The following GMPR variants were observed in gnomAD, a reference collection of about 807,000 sequenced individuals.
The protein encoded by GMPR is guanosine monophosphate reductase.
In GMPR, 31 loss-of-function variants were observed where a neutral mutation model predicts 38.4. The ratio of observed to expected loss-of-function variants is 0.81; its 90% confidence interval spans 0.61 to 1.09. The LOEUF (loss-of-function observed/expected upper bound fraction) is 1.09, where lower values mean the gene tolerates loss of function less well. Ranked by LOEUF, GMPR falls within the 50% of genes least tolerant of loss-of-function variation. GMPR has a pLI of 0.00. For missense variants in GMPR, 468 were observed against 453.7 expected (o/e 1.03, Z -0.29); for synonymous variants, 162 against 173.3 (o/e 0.93, Z 0.51).
rs759094734 is a variant in GMPR, at chr6:16,285,824, C to G, written c.686C>G (p.Ala229Gly). Residue 229 changes from alanine (A) to glycine (G), a missense_variant, in exon 7 of 9, where the codon GCC becomes GGC. Coordinates refer to ENST00000259727, the MANE Select transcript of GMPR (RefSeq NM_006877.4). Reference protein sequence around the residue: ...DGGCTCPGDVAKAFGAGADFV... With the variant: ...DGGCTCPGDVGKAFGAGADFV... ...GGCTGTACGTGTCCAGGGGATGTCG[C>G]CAAAGCCTTTGGTAAGGCCGGGCCC... 1 of 1,612,462 alleles carries G rather than the reference C, an allele frequency of 6.2e-7. No homozygotes were observed. The highest frequency in any genetic ancestry group is 8.5e-7 in the Non-Finnish European group (1 of 1,179,232).
chr6:16,269,289 T>C (rs1252736918), intron 4 of GMPR, among the ~76,000 whole-genome samples: 2 of 152,120 alleles, frequency 1.3e-5, no homozygotes, highest in African/African-American at 4.8e-5. Flanking sequence ...GTTGAAGTGA[T>C]TTGCTCAAAA....
intron 4 of GMPR, among the ~76,000 whole-genome samples, chr6:16,272,757 AT>A (rs1316476796): frequency 2.0e-5 from 3 of 152,128 alleles, no homozygotes; most frequent in African/African-American, 7.2e-5. Context: ...AAAATTGTAG[AT>A]ATTTTTCTCT....
intron 4 of GMPR, among the ~76,000 whole-genome samples, chr6:16,274,069 C>T (rs1413609215): frequency 6.6e-6 from 1 of 152,146 alleles, no homozygotes; most frequent in Non-Finnish European, 1.5e-5. Context: ...CTGCTTCGGG[C>T]TCCCAAAGTA....
At chr6:16,284,396 T>C (rs1016456947) in intron 6 of GMPR, among the ~76,000 whole-genome samples, 2 of 152,226 alleles carry the variant, frequency 1.3e-5, no homozygotes, top group African/African-American at 2.4e-5. Flanking sequence ...GTGTGCACTT[T>C]CCTGCAGGTT....
rs546450494 is a variant in GMPR, at chr6:16,289,848, A to ATTTTTTTTTTTTTTTTTTTTTTTTT, written c.698-601_698-577dup. Reference sequence around the variant, plus strand: ...AACTTGCTTTCTAAGATACTGCCCAATTTTTTTTTTTTTTTTTTTTTTTTT... The same window carrying ATTTTTTTTTTTTTTTTTTTTTTTTT: ...AACTTGCTTTCTAAGATACTGCCCAATTTTTTTTTTTTTTTTTTTTTTTTTTTTTTTTTTTTTTTTTTTTTTTTTT... On this transcript the variant is annotated intron_variant, in intron 7 of 8. Coordinates refer to ENST00000259727, the MANE Select transcript of GMPR (RefSeq NM_006877.4). 7 of 63,188 alleles carry ATTTTTTTTTTTTTTTTTTTTTTTTT rather than the reference A, an allele frequency of 1.1e-4. 1 individual carries two copies. The highest frequency in any genetic ancestry group is 4.2e-4 in the African/African-American group (6 of 14,178). 3.9% of individuals were successfully genotyped at this position (63,188 alleles called of 1,614,324 possible). A position where few individuals can be genotyped will look rare whatever the true frequency, so the allele number is the denominator to read the frequency against.
chr6:16,269,050 C>T (rs1264893088), intron 4 of GMPR, among the ~76,000 whole-genome samples: 3 of 150,954 alleles, frequency 2.0e-5, no homozygotes, highest in Admixed American at 6.6e-5. Flanking sequence ...AAAATTTACA[C>T]CTAGTAAATT....
At chr6:16,264,420 CAGG>C (rs1759149212) in intron 4 of GMPR, 3 of 212,230 alleles carry the variant, frequency 1.4e-5, no homozygotes, top group South Asian at 1.4e-4. Flanking sequence ...TCGCAAAGAG[CAGG>C]AGGACAGGGG....
intron 6 of GMPR, among the ~76,000 whole-genome samples, chr6:16,281,130 G>C (rs1759563924): frequency 6.6e-6 from 1 of 152,152 alleles, no homozygotes; most frequent in East Asian, 1.9e-4. Flanking sequence ...GCCCAGACCA[G>C]CAGCAGCAGT....
intron 7 of GMPR, among the ~76,000 whole-genome samples, chr6:16,286,500 G>A (rs767903371): frequency 3.9e-5 from 6 of 152,060 alleles, no homozygotes; most frequent in Non-Finnish European, 8.8e-5. Flanking sequence ...GGGTGCCGGC[G>A]GGAGGCAGAA....
In GMPR at chr6:16,281,134, C is replaced by A. The variant is rs181919635; in HGVS notation, c.654+2244C>A. Among the ~76,000 whole-genome samples, 461 of 152,312 alleles carry A rather than the reference C, an allele frequency of 3.0e-3. 2 individuals carry two copies. The highest frequency in any genetic ancestry group is 0.011 in the African/African-American group (446 of 41,558). On this transcript the variant is annotated intron_variant, in intron 6 of 8. Transcript: ENST00000259727. ...TTAAGCGTGGTGCCCAGACCAGCAG[C>A]AGCAGTATCAACTGAGAACTTGTTA... is the stretch of plus-strand genomic sequence containing the variant.
chr6:16,261,836 G>T lies in GMPR; in HGVS notation c.465+7101G>T, dbSNP rs1031795994. ...GAGTAGAGGTATCTTATATTTGTGGGTTAAGGTTGGGGGATACAAGAGGAG... is the reference window on the plus strand; with the variant it reads ...GAGTAGAGGTATCTTATATTTGTGGTTTAAGGTTGGGGGATACAAGAGGAG... On this transcript the variant is annotated intron_variant, in intron 4 of 8. Transcript: ENST00000259727. Among the ~76,000 whole-genome samples, 14 of 151,852 alleles carry T rather than the reference G, an allele frequency of 9.2e-5. 1 individual carries two copies. Among genetic ancestry groups the T allele is most frequent in the East Asian group, 5.8e-4 (3 of 5,188 alleles).
At position 16,290,449 on chromosome 6, in the gene GMPR, C is replaced by A. The variant is rs774900036; in HGVS notation, c.698-13C>A. The A allele has an allele frequency of 3.1e-6, 5 of 1,612,636 alleles. No individual in the cohort carries two copies. In the South Asian group the frequency reaches 5.5e-5, roughly 18 times the overall value. ...CTCTGCTACTCGCTTTCATCCCCACCGTTGGCATTTAGGAGCTGGAGCAGA... is the reference window on the plus strand; with the variant it reads ...CTCTGCTACTCGCTTTCATCCCCACAGTTGGCATTTAGGAGCTGGAGCAGA... On this transcript the variant is annotated splice_polypyrimidine_tract_variant and intron_variant, in intron 7 of 8. Coordinates refer to ENST00000259727, the MANE Select transcript of GMPR (RefSeq NM_006877.4).
At chr6:16,294,204 C>G (rs78207654) in intron 8 of GMPR, among the ~76,000 whole-genome samples, 3 of 152,306 alleles carry the variant, frequency 2.0e-5, no homozygotes, top group Non-Finnish European at 2.9e-5. Flanking sequence ...GCCTGGAAGC[C>G]TCTGGTGCTA....
At chr6:16,265,505 G>C (rs979531348) in intron 4 of GMPR, among the ~76,000 whole-genome samples, 2 of 152,202 alleles carry the variant, frequency 1.3e-5, no homozygotes, top group Admixed American at 1.3e-4. Flanking sequence ...GTGGGGACTT[G>C]GAGAACTTTT....
At chr6:16,264,755 A>C (rs9350002) in intron 4 of GMPR, among the ~76,000 whole-genome samples, 16,484 of 151,958 alleles carry the variant, frequency 0.11, 1,563 homozygotes, top group African/African-American at 0.25. Context: ...AGACAATGTC[A>C]TCAGTTAAGG....
chr6:16,264,824 C>G (rs1024010031), intron 4 of GMPR, among the ~76,000 whole-genome samples: 2 of 152,102 alleles, frequency 1.3e-5, no homozygotes, highest in African/African-American at 2.4e-5. Flanking sequence ...AGGCAGGAAC[C>G]GGCCATCTGG....
At chr6:16,282,232 T>A (rs1561833155) in intron 6 of GMPR, among the ~76,000 whole-genome samples, 1 of 152,252 alleles carries the variant, frequency 6.6e-6, no homozygotes, top group African/African-American at 2.4e-5. Context: ...GTGGCCCACA[T>A]GGGCTTCAGA....
intron 4 of GMPR, among the ~76,000 whole-genome samples, chr6:16,267,702 G>A (rs1352509144): frequency 2.0e-5 from 3 of 152,186 alleles, no homozygotes; most frequent in Non-Finnish European, 4.4e-5. Flanking sequence ...CAGACATACT[G>A]GGACTTGGAG....
intron 5 of GMPR, among the ~76,000 whole-genome samples, chr6:16,276,467 G>A (rs553510306): frequency 7.7e-4 from 117 of 152,190 alleles, no homozygotes; most frequent in African/African-American, 2.8e-3. Flanking sequence ...CACCACACCC[G>A]GCCCTCTCAA....
Sources: allele counts gnomAD v4.1 joint callset (sites outside exome capture counted in the v4.1 genomes callset), GRCh38; gene constraint gnomAD v4.1.1; transcripts MANE v1.5; gene names NCBI Gene and HGNC (gene_info 2026-07-23, HGNC 2026-07-21).